ZNF404: variants seen among roughly 807,000 people sequenced by gnomAD.
ZNF404 encodes zinc finger protein 404.
In ZNF404, 7 loss-of-function variants were observed where a neutral mutation model predicts 7.3. The observed-to-expected ratio is 0.95, with a 90% confidence interval of 0.54 to 1.79. The LOEUF is 1.79. Among genes scored for constraint, ZNF404 ranks in the 40% most tolerant of loss-of-function variants. The pLI, the probability that ZNF404 is intolerant of heterozygous loss-of-function variation, is 0.00. For missense variants in ZNF404, 560 were observed against 661.5 expected, an observed-to-expected ratio of 0.85 and a Z score of 1.68; for synonymous variants, 191 against 209.9, an observed-to-expected ratio of 0.91 and a Z score of 0.78.
In ZNF404 at chr19:43,873,260, T is replaced by C; in HGVS notation, c.954A>G (p.Gln318=). 1 of 1,613,648 alleles carries C rather than the reference T, an allele frequency of 6.2e-7. No homozygotes were observed. Among genetic ancestry groups the C allele is most frequent in the Non-Finnish European group, 8.5e-7 (1 of 1,179,684 alleles). Residue 318 remains glutamine, a synonymous_variant, in exon 3 of 3, where the codon CAA becomes CAG. Coordinates refer to ENST00000587539, the MANE Select transcript of ZNF404 (RefSeq NM_001033719.3). ...FVRSYLLVEH[Q]RSHTGEKPHE... ...GAGGTTTCTCACCAGTATGACTTCT[T>C]TGATGTTCAACAAGTAGATAGCTGC... is the stretch of plus-strand genomic sequence containing the variant.
In ZNF404 at chr19:43,873,568, C is replaced by T. The variant is rs1971829358; in HGVS notation, c.646G>A (p.Glu216Lys). The change falls in exon 3 of 3, where the codon GAA becomes AAA. Residue 216 changes from glutamate to lysine, a missense_variant. Coordinates refer to ENST00000587539, the MANE Select transcript of ZNF404 (RefSeq NM_001033719.3). ...QIIHTGMKPYECKQCGKAFRR... is the reference protein window; with the variant it reads ...QIIHTGMKPYKCKQCGKAFRR... ...AAAGCCTTCCCGCATTGCTTACATT[C>T]ATAGGGTTTCATACCAGTATGAATT... The T allele has an allele frequency of 6.2e-7, 1 of 1,613,494 alleles. No homozygotes were observed. Among genetic ancestry groups the T allele is most frequent in the African/African-American group, 1.3e-5 (1 of 74,874 alleles).
chr19:43,874,193 GTT>G, intron 2 of ZNF404, 116 bp from the exon 3 acceptor site: 1 of 787,510 alleles, frequency 1.3e-6, no homozygotes. Context: ...TAATAAAAGA[GTT>G]TAGAAAATTC....
intron 1 of ZNF404, 122 bp downstream of exon 1, chr19:43,883,834 T>A (rs1225977758): frequency 9.9e-7 from 1 of 1,008,170 alleles, no homozygotes; most frequent in Non-Finnish European, 1.5e-6. Flanking sequence ...ATGGGAGGAA[T>A]GTGAAATAGG....
chr19:43,872,456 C>T lies in ZNF404; in HGVS notation c.*99G>A. The stretch of plus-strand genomic sequence containing the variant: ...AAATACGATGTGCCAGATGCCTTTC[C>T]AAGTATTTATATTCTATATTAACTA... On this transcript the variant is annotated 3_prime_UTR_variant, in exon 3 of 3. Transcript: ENST00000587539. This position sits in a 1 kb window ranked among gnomAD's most constrained non-coding sequence, Gnocchi z 4.4. The T allele has an allele frequency of 7.5e-6, 7 of 932,696 alleles. No individual in the cohort carries two copies. The highest frequency in any genetic ancestry group is 1.7e-5 in the African/African-American group (1 of 59,220). The allele number at this position is 932,696 out of a possible 1,614,324, so 57.8% of individuals were successfully genotyped here. A position where few individuals can be genotyped will look rare whatever the true frequency, so the allele number is the denominator to read the frequency against.
In ZNF404 at chr19:43,873,164, A is replaced by T. The variant is rs1368409838; in HGVS notation, c.1050T>A (p.Ser350Arg). ...CCTTACAATCATAGAGTTTCTCACT[A>T]CTATGAATTCTCTTATGTTTAAGAA... ...SSLLKHKRIH[S>R]SEKLYDCKDC... The change falls in exon 3 of 3, where the codon AGT becomes AGA. Residue 350 changes from serine to arginine, a missense_variant. Ser to Arg is a moderately radical substitution (Grantham distance 110). Coordinates refer to ENST00000587539, the MANE Select transcript of ZNF404 (RefSeq NM_001033719.3). 1 of 1,613,614 alleles carries T rather than the reference A, an allele frequency of 6.2e-7. No homozygotes were observed. Among genetic ancestry groups the T allele is most frequent in the East Asian group, 2.2e-5 (1 of 44,860 alleles).
rs942947991 is a variant in ZNF404, at chr19:43,873,883, T to C, written c.331A>G (p.Ile111Val). 1 of 1,613,014 alleles carries C rather than the reference T, an allele frequency of 6.2e-7. No homozygotes were observed. The highest frequency in any genetic ancestry group is 8.5e-7 in the Non-Finnish European group (1 of 1,179,474). ...GGAAGGGATTTATGTTTTTTGAATATCATTTGACTAAAACATCCCACTTTA... is the reference window on the plus strand; with the variant it reads ...GGAAGGGATTTATGTTTTTTGAATACCATTTGACTAAAACATCCCACTTTA... ...RPKVGCFSQM[I>V]FKKHKSLPLH... Residue 111 changes from isoleucine (I) to valine (V), a missense_variant, in exon 3 of 3, where the codon ATA becomes GTA. By Grantham distance (29) the Ile-to-Val change is conservative. Coordinates refer to ENST00000587539, the MANE Select transcript of ZNF404 (RefSeq NM_001033719.3).
At chr19:43,879,172 G>A (rs75150521) in intron 2 of ZNF404, among the ~76,000 whole-genome samples, 2,717 of 152,130 alleles carry the variant, frequency 0.018, 28 homozygotes, top group Non-Finnish European at 0.028. Flanking sequence ...GCAAATAAAA[G>A]AATGAAGATT....
Position 43,873,333 on chromosome 19 carries a change from GA to G in ZNF404, c.880del (p.Ser294LeufsTer110), listed in dbSNP as rs1288557113. ...SSLYQHKKIH[S>X]GEKPYKCEQC... ...TTCACATTTATATGGTTTCTCACCA[GA>G]ATGAATTTTCTTATGTTGGTAAAGA... On this transcript the variant is annotated frameshift_variant, in exon 3 of 3. Coordinates refer to ENST00000587539, the MANE Select transcript of ZNF404 (RefSeq NM_001033719.3). LOFTEE classifies it low-confidence loss of function (END_TRUNC). The G allele has an allele frequency of 6.8e-6, 11 of 1,613,220 alleles. No individual in the cohort carries two copies. The highest frequency in any genetic ancestry group is 9.3e-6 in the Non-Finnish European group (11 of 1,179,536).
intron 2 of ZNF404, among the ~76,000 whole-genome samples, chr19:43,876,237 C>T (rs1422318089): frequency 6.6e-6 from 1 of 152,046 alleles, no homozygotes; most frequent in Non-Finnish European, 1.5e-5. Flanking sequence ...TCATTTGAAC[C>T]CAGGAGGCAG....
intron 1 of ZNF404, among the ~76,000 whole-genome samples, chr19:43,882,261 C>T (rs1307499521): frequency 2.0e-5 from 3 of 151,974 alleles, no homozygotes; most frequent in Admixed American, 1.3e-4. Context: ...GATAAAGGAC[C>T]GTCTTTTAAA....
chr19:43,872,628 C>A lies in ZNF404; in HGVS notation c.1586G>T (p.Gly529Val). 2 of 1,612,364 alleles carry A rather than the reference C, an allele frequency of 1.2e-6. No homozygotes were observed. Among genetic ancestry groups the A allele is most frequent in the Non-Finnish European group, 8.5e-7 (1 of 1,179,124 alleles). The change falls in exon 3 of 3, where the codon GGT (glycine) becomes GTT (valine). Residue 529 changes from glycine (G) to valine (V), a missense_variant. Transcript: ENST00000587539. The surrounding 1 kb of genome is among the most constrained non-coding windows in gnomAD (Gnocchi z 4.4). ...GVKPQKCKEC[G>V]KAFSHCYQLS... The stretch of plus-strand genomic sequence containing the variant: ...TTGATAGCAATGACTAAAGGCCTTA[C>A]CACATTCTTTGCATTTCTGTGGTTT...
intron 1 of ZNF404, among the ~76,000 whole-genome samples, chr19:43,883,195 T>C: frequency 6.6e-6 from 1 of 152,318 alleles, no homozygotes; most frequent in Non-Finnish European, 1.5e-5. Flanking sequence ...AATATTATTG[T>C]ATAAAGAATT....
intron 1 of ZNF404, among the ~76,000 whole-genome samples, chr19:43,881,957 CAAAAA>C (rs56324784): frequency 1.5e-4 from 17 of 111,080 alleles, no homozygotes; most frequent in African/African-American, 3.1e-4. Context: ...AACTCTGTCT[CAAAAA>C]AAAAAAAAAA....
Position 43,872,762 on chromosome 19 carries a change from T to C in ZNF404, c.1452A>G (p.Gln484=), listed in dbSNP as rs115285093. Residue 484 remains glutamine, a synonymous_variant, in exon 3 of 3, where the codon CAA becomes CAG. Coordinates refer to ENST00000587539, the MANE Select transcript of ZNF404 (RefSeq NM_001033719.3). This position sits in a 1 kb window ranked among gnomAD's most constrained non-coding sequence, Gnocchi z 4.4. ...TTTCACCAGTATGAATTCTCTTATG[T>C]TGAGAAAGACCTGAGATAGAACGAA... ...KAFRSISGLS[Q]HKRIHTGEKP... is the part of the protein sequence containing the mutation. 1,412 of 1,612,566 alleles carry C rather than the reference T, an allele frequency of 8.8e-4. 12 individuals carry two copies. The African/African-American group carries it at 0.014, about 16-fold the overall frequency.
chr19:43,873,931 C>A lies in ZNF404; in HGVS notation c.283G>T (p.Glu95Ter). 1 of 1,613,152 alleles carries A rather than the reference C, an allele frequency of 6.2e-7. No homozygotes were observed. Among genetic ancestry groups the A allele is most frequent in the Non-Finnish European group, 8.5e-7 (1 of 1,179,506 alleles). The change falls in exon 3 of 3, where the codon GAA becomes TAA. Residue 95 changes from glutamate to a stop codon, truncating the protein, a stop_gained. Coordinates refer to ENST00000587539, the MANE Select transcript of ZNF404 (RefSeq NM_001033719.3). LOFTEE classifies it low-confidence loss of function (END_TRUNC). Reference sequence around the variant, plus strand: ...TTAGGTCTCTGTTGTCTCCCAAATTCAATTGTGTACTGTGGGTCAGTTCTG... The same window carrying A: ...TTAGGTCTCTGTTGTCTCCCAAATTAAATTGTGTACTGTGGGTCAGTTCTG... ...IFRTDPQYTI[E>*]FGRQQRPKVG...
At chr19:43,883,841 T>C in intron 1 of ZNF404, 115 bp downstream of exon 1, 1 of 1,101,228 alleles carries the variant, frequency 9.1e-7, no homozygotes, top group Non-Finnish European at 1.3e-6. Flanking sequence ...GAATGTGAAA[T>C]AGGTTCCAAG....
intron 1 of ZNF404, among the ~76,000 whole-genome samples, chr19:43,882,097 A>G (rs1274991829): frequency 1.3e-5 from 2 of 152,180 alleles, no homozygotes; most frequent in African/African-American, 4.8e-5. Flanking sequence ...GATCAACCCT[A>G]CTAATTGGAA....
In ZNF404 at chr19:43,872,947, C is replaced by T; in HGVS notation, c.1267G>A (p.Val423Ile). ...CKQCGKAFSR[V>I]GDLKTHQSIH... ...GATTGATGTGTCTTAAGGTCTCCAA[C>T]ACGACTGAAGGCTTTCCCACATTGC... is the stretch of plus-strand genomic sequence containing the variant. The change falls in exon 3 of 3, where the codon GTT becomes ATT. Residue 423 changes from valine to isoleucine, a missense_variant. Physicochemically the swap from Val to Ile is conservative, Grantham distance 29. Transcript: ENST00000587539. This position sits in a 1 kb window ranked among gnomAD's most constrained non-coding sequence, Gnocchi z 4.4. 6.2e-7 allele frequency: 1 copy of T among 1,607,006 alleles called. No homozygotes were observed. Among genetic ancestry groups the T allele is most frequent in the Non-Finnish European group, 8.5e-7 (1 of 1,176,012 alleles).
At chr19:43,879,471 C>G (rs1432029974) in intron 2 of ZNF404, among the ~76,000 whole-genome samples, 1 of 152,134 alleles carries the variant, frequency 6.6e-6, no homozygotes, top group Non-Finnish European at 1.5e-5. Flanking sequence ...AAAAACTGAA[C>G]AAAGACTGCC....
Sources: allele counts gnomAD v4.1 joint callset (sites outside exome capture counted in the v4.1 genomes callset), GRCh38; gene constraint gnomAD v4.1.1; non-coding constraint Gnocchi (gnomAD v3.1); transcripts MANE v1.5; gene names NCBI Gene and HGNC (gene_info 2026-07-23, HGNC 2026-07-21).